Variants in ZNF704 observed in about 807,000 individuals in gnomAD.
ZNF704 encodes glucocorticoid induced gene 1.
A neutral mutation model predicts 44.7 loss-of-function variants in ZNF704; 10 were observed. The observed-to-expected ratio is 0.22, with a 90% CI of 0.14 to 0.38. The LOEUF (loss-of-function observed/expected upper bound fraction) is 0.38. Ranked by LOEUF, ZNF704 falls within the 10% of genes least tolerant of loss-of-function variation. ZNF704 has a pLI of 1.00. For synonymous variants in ZNF704, 211 were observed against 207.6 expected, an observed-to-expected ratio of 1.02 and a Z score of -0.14; for missense variants, 390 against 545.5, an observed-to-expected ratio of 0.71 and a Z score of 2.84.
chr8:80,865,651 G>A (rs929293013), intron 1 of ZNF704, among the ~76,000 whole-genome samples: 43 of 152,166 alleles, frequency 2.8e-4, no homozygotes, highest in East Asian at 1.9e-4. Context: ...AGTCTGAATC[G>A]AGGAGATATG....
chr8:80,873,157 G>A (rs866102860), intron 1 of ZNF704, among the ~76,000 whole-genome samples: 15 of 152,208 alleles, frequency 9.9e-5, no homozygotes, highest in African/African-American at 2.9e-4. Context: ...CCTTCCTTGG[G>A]GGAGAATAAA....
chr8:80,755,874 G>C (rs1461662817), intron 2 of ZNF704, among the ~76,000 whole-genome samples: 1 of 152,096 alleles, frequency 6.6e-6, no homozygotes, highest in Non-Finnish European at 1.5e-5. Context: ...GGGAGGCCAC[G>C]GAGGGAGGAT....
intron 1 of ZNF704, among the ~76,000 whole-genome samples, chr8:80,832,582 T>C (rs1367909951): frequency 6.6e-6 from 1 of 151,980 alleles, no homozygotes; most frequent in African/African-American, 2.4e-5. Context: ...ATTTGAGGAG[T>C]TGGCTCCGGA....
chr8:80,805,123 C>G (rs896794934), intron 2 of ZNF704, among the ~76,000 whole-genome samples: 1 of 152,062 alleles, frequency 6.6e-6, no homozygotes, highest in Non-Finnish European at 1.5e-5. Flanking sequence ...GTACATAAAA[C>G]CTTACCTTTC....
intron 4 of ZNF704, among the ~76,000 whole-genome samples, chr8:80,671,930 T>C (rs1229570619): frequency 6.6e-6 from 1 of 152,208 alleles, no homozygotes; most frequent in African/African-American, 2.4e-5. Flanking sequence ...GAGTTCTTAA[T>C]TTTTTGTTTG....
At chr8:80,799,918 T>TA (rs997589400) in intron 2 of ZNF704, among the ~76,000 whole-genome samples, 14 of 151,432 alleles carry the variant, frequency 9.2e-5, no homozygotes, top group Admixed American at 3.3e-4. Flanking sequence ...CTAAGAGTCA[T>TA]AAAAAAAACA....
intron 2 of ZNF704, among the ~76,000 whole-genome samples, chr8:80,744,316 T>C (rs1022022234): frequency 1.3e-5 from 2 of 152,152 alleles, no homozygotes; most frequent in African/African-American, 4.8e-5. Context: ...TTCTAGAACA[T>C]TGAAGTAACA....
intron 1 of ZNF704, among the ~76,000 whole-genome samples, chr8:80,841,028 T>C (rs757595580): frequency 2.6e-5 from 4 of 152,114 alleles, no homozygotes; most frequent in South Asian, 2.1e-4. Context: ...CAACTGCACA[T>C]AGCCAGGAGA....
At chr8:80,781,926 G>C (rs1051658895) in intron 2 of ZNF704, among the ~76,000 whole-genome samples, 1 of 152,214 alleles carries the variant, frequency 6.6e-6, no homozygotes, top group African/African-American at 2.4e-5. Context: ...GATGGAGATA[G>C]TCTCAAATTC....
At chr8:80,882,081 C>T in the ZNF704 span, among the ~76,000 whole-genome samples, 1 of 152,280 alleles carries the variant, frequency 6.6e-6, no homozygotes, top group East Asian at 1.9e-4. Context: ...ATAGTGCCGC[C>T]AACCTTTGTA....
intron 1 of ZNF704, among the ~76,000 whole-genome samples, chr8:80,826,519 T>G (rs572334820): frequency 1.3e-5 from 2 of 152,322 alleles, no homozygotes; most frequent in South Asian, 4.1e-4. Flanking sequence ...GTACCATTCC[T>G]TCTGAAACTA....
chr8:80,850,566 G>A (rs1808841630), intron 1 of ZNF704, among the ~76,000 whole-genome samples: 1 of 151,974 alleles, frequency 6.6e-6, no homozygotes, highest in South Asian at 2.1e-4. Flanking sequence ...CTTGGTCTGT[G>A]CACTCACTAT....
At chr8:80,739,553 C>T (rs1214122755) in intron 2 of ZNF704, among the ~76,000 whole-genome samples, 1 of 152,190 alleles carries the variant, frequency 6.6e-6, no homozygotes, top group Non-Finnish European at 1.5e-5. Flanking sequence ...TATTGAAAAA[C>T]ATTTTTCTTC....
At chr8:80,685,365 C>T (rs1376582860) in intron 4 of ZNF704, among the ~76,000 whole-genome samples, 1 of 152,060 alleles carries the variant, frequency 6.6e-6, no homozygotes, top group East Asian at 1.9e-4. Flanking sequence ...CATTGGGGTT[C>T]CCTGTACTGT....
At chr8:80,820,206 AGCATG>A in intron 2 of ZNF704, among the ~76,000 whole-genome samples, 1 of 152,326 alleles carries the variant, frequency 6.6e-6, no homozygotes, top group African/African-American at 2.4e-5. Flanking sequence ...CTAGGGATAA[AGCATG>A]AACAGAGTAA....
intron 2 of ZNF704, among the ~76,000 whole-genome samples, chr8:80,801,312 G>C (rs1344584469): frequency 6.6e-6 from 1 of 152,256 alleles, no homozygotes; most frequent in African/African-American, 2.4e-5. Context: ...TCTGGATCAA[G>C]TGTTCCTGAT....
intron 2 of ZNF704, among the ~76,000 whole-genome samples, chr8:80,798,865 A>C (rs1403187317): frequency 6.6e-6 from 1 of 152,214 alleles, no homozygotes; most frequent in Non-Finnish European, 1.5e-5. Flanking sequence ...TATTTCTTAC[A>C]GTTATGGAGG....
intron 1 of ZNF704, among the ~76,000 whole-genome samples, chr8:80,848,152 C>G (rs1808797065): frequency 1.3e-5 from 2 of 152,172 alleles, no homozygotes; most frequent in Non-Finnish European, 2.9e-5. Flanking sequence ...GGTTTACTCA[C>G]TGTGCAATTC....
chr8:80,770,691 T>C (rs545178395), intron 2 of ZNF704, among the ~76,000 whole-genome samples: 2 of 152,286 alleles, frequency 1.3e-5, no homozygotes, highest in South Asian at 4.1e-4. Context: ...AGAGTAAAAG[T>C]TTTTATTTGA....
Sources: gnomAD v4.1 joint callset for allele counts (sites outside exome capture counted in the v4.1 genomes callset) on GRCh38, gnomAD v4.1.1 for gene constraint, MANE v1.5 for transcripts, NCBI Gene and HGNC (gene_info 2026-07-23, HGNC 2026-07-21) for gene names.